The following GALNT13 variants were observed in gnomAD, a reference collection of about 807,000 sequenced individuals.
The protein encoded by GALNT13 is polypeptide N-acetylgalactosaminyltransferase 13.
Under a neutral mutation model 64.2 loss-of-function variants are expected in GALNT13, and 28 were observed. The observed-to-expected ratio is 0.44, with a 90% confidence interval of 0.32 to 0.60. The LOEUF (loss-of-function observed/expected upper bound fraction) is 0.60, where lower values mean the gene tolerates loss of function less well. GALNT13 is among the 20% of genes least tolerant of loss of function. The probability of loss-of-function intolerance (pLI) is 0.05; values close to 1 mark genes in which losing one functional copy is unlikely to be tolerated. For synonymous variants in GALNT13, 214 were observed against 224.6 expected (o/e 0.95, Z 0.42); for missense variants, 577 against 669.8 (o/e 0.86, Z 1.53).
At chr2:153,642,941 C>T in the GALNT13 span, among the ~76,000 whole-genome samples, 1 of 151,374 alleles carries the variant, frequency 6.6e-6, no homozygotes, top group Non-Finnish European at 1.5e-5. Context: ...AAGAAACACA[C>T]ATCTAAATAA....
At position 154,115,417 on chromosome 2, in the gene GALNT13, A is replaced by G. The variant is rs140123816; in HGVS notation, c.143-24920A>G. 3.9e-3 allele frequency among the ~76,000 whole-genome samples: 591 copies of G among 151,772 alleles called. 2 individuals carry two copies. Among genetic ancestry groups the G allele is most frequent in the African/African-American group, 0.014 (566 of 41,382 alleles). ...TGCTGCACCCATTAACTAACTCATCATTTATCTATTTATTTTTTTTTGAGA... is the reference window on the plus strand; with the variant it reads ...TGCTGCACCCATTAACTAACTCATCGTTTATCTATTTATTTTTTTTTGAGA... On this transcript the variant is annotated intron_variant, in intron 3 of 12. Transcript: ENST00000392825.
the GALNT13 span, among the ~76,000 whole-genome samples, chr2:153,524,746 G>A: frequency 2.2e-4 from 34 of 152,178 alleles, 1 homozygote; most frequent in Admixed American, 2.2e-3. Context: ...TGAAACTTGA[G>A]TTCCTACAAG....
At chr2:153,885,008 C>T (rs1687073532) in intron 1 of GALNT13, among the ~76,000 whole-genome samples, 1 of 150,080 alleles carries the variant, frequency 6.7e-6, no homozygotes, top group Non-Finnish European at 1.5e-5. Flanking sequence ...CATTGCACTC[C>T]AGCCTGGCAA....
intron 7 of GALNT13, among the ~76,000 whole-genome samples, chr2:154,254,816 A>G (rs770753949): frequency 2.0e-4 from 31 of 152,122 alleles, no homozygotes; most frequent in Non-Finnish European, 3.7e-4. Context: ...GTATGGAAAC[A>G]CAGATTAGGA....
the GALNT13 span, among the ~76,000 whole-genome samples, chr2:153,590,977 G>A: frequency 1.3e-5 from 2 of 152,096 alleles, no homozygotes; most frequent in Admixed American, 6.5e-5. Flanking sequence ...GAGAAATCAG[G>A]TAAGGAAAAG....
intron 2 of GALNT13, among the ~76,000 whole-genome samples, chr2:153,919,482 G>C (rs1689609064): frequency 1.3e-5 from 2 of 151,880 alleles, no homozygotes; most frequent in Admixed American, 6.6e-5. Flanking sequence ...TAAAATTAAT[G>C]TTCTTAACAA....
the GALNT13 span, among the ~76,000 whole-genome samples, chr2:153,656,351 T>C: frequency 6.9e-6 from 1 of 144,264 alleles, no homozygotes; most frequent in Non-Finnish European, 1.6e-5. Flanking sequence ...CGCGCGCACA[T>C]ATGTGTGTGT....
the GALNT13 span, among the ~76,000 whole-genome samples, chr2:153,124,690 G>A: frequency 1.6e-4 from 24 of 152,154 alleles, no homozygotes; most frequent in Non-Finnish European, 3.1e-4. Context: ...ATTTTTGGTA[G>A]ACACAGGTTT....
chr2:154,441,623 A>T (rs551225805), intron 12 of GALNT13: 1 of 152,128 alleles, frequency 6.6e-6, no homozygotes, highest in African/African-American at 2.4e-5. Flanking sequence ...TATCAGTACA[A>T]TTGTGAATCT....
chr2:153,256,498 C>T, the GALNT13 span, among the ~76,000 whole-genome samples: 5 of 152,296 alleles, frequency 3.3e-5, no homozygotes, highest in East Asian at 1.9e-4. Context: ...AGCTTTGTTC[C>T]GTTGCTGGTG....
chr2:154,192,617 T>C (rs928340769), intron 4 of GALNT13, among the ~76,000 whole-genome samples: 1 of 152,174 alleles, frequency 6.6e-6, no homozygotes, highest in East Asian at 1.9e-4. Flanking sequence ...CTTTATAAAT[T>C]TTTTTTATCT....
At chr2:153,808,605 G>C in the GALNT13 span, among the ~76,000 whole-genome samples, 1 of 151,938 alleles carries the variant, frequency 6.6e-6, no homozygotes, top group Non-Finnish European at 1.5e-5. Context: ...TTAATACTTA[G>C]CTTCTCAGAA....
the GALNT13 span, among the ~76,000 whole-genome samples, chr2:153,195,198 C>T: frequency 3.9e-5 from 6 of 151,962 alleles, no homozygotes; most frequent in East Asian, 1.9e-4. Context: ...GATAGTGTTA[C>T]GGGATCTTTG....
At chr2:154,151,792 C>T (rs1399815599) in intron 4 of GALNT13, among the ~76,000 whole-genome samples, 1 of 152,108 alleles carries the variant, frequency 6.6e-6, no homozygotes. Context: ...GGTAGATCTT[C>T]CTCCATCCTT....
chr2:153,543,759 A>C, the GALNT13 span, among the ~76,000 whole-genome samples: 1 of 152,234 alleles, frequency 6.6e-6, no homozygotes, highest in Admixed American at 6.5e-5. Flanking sequence ...GAATACATGC[A>C]ACTACTGACT....
the GALNT13 span, among the ~76,000 whole-genome samples, chr2:153,109,112 A>T: frequency 2.6e-5 from 4 of 152,266 alleles, no homozygotes; most frequent in African/African-American, 9.6e-5. Flanking sequence ...TTCTTAATAC[A>T]TCTCTTGTTC....
chr2:154,089,503 A>C (rs1701696995), intron 3 of GALNT13, among the ~76,000 whole-genome samples: 1 of 152,096 alleles, frequency 6.6e-6, no homozygotes, highest in Admixed American at 6.6e-5. Flanking sequence ...TAGACCTCTC[A>C]GCCATTGTTG....
chr2:154,219,833 T>TAAA (rs1688233509), intron 4 of GALNT13, among the ~76,000 whole-genome samples: 1 of 152,098 alleles, frequency 6.6e-6, no homozygotes, highest in Non-Finnish European at 1.5e-5. Flanking sequence ...CATTATGATT[T>TAAA]GCAGAAGCTT....
the GALNT13 span, among the ~76,000 whole-genome samples, chr2:153,520,453 G>C: frequency 6.6e-6 from 1 of 152,056 alleles, no homozygotes; most frequent in Non-Finnish European, 1.5e-5. Flanking sequence ...TGAATTGTTG[G>C]CTTCATTGAG....
Sources: gnomAD v4.1 joint callset for allele counts (sites outside exome capture counted in the v4.1 genomes callset) on GRCh38, gnomAD v4.1.1 for gene constraint, MANE v1.5 for transcripts, NCBI Gene and HGNC (gene_info 2026-07-23, HGNC 2026-07-21) for gene names.